Variants in MYO5B observed in about 807,000 individuals in gnomAD.
The protein encoded by MYO5B is unconventional myosin-Vb.
MYO5B carries 143 observed loss-of-function variants against 229.3 expected under a neutral mutation model. The observed-to-expected ratio is 0.62, with a 90% CI of 0.54 to 0.72. The LOEUF (loss-of-function observed/expected upper bound fraction) is 0.72, where lower values mean the gene tolerates loss of function less well. Ranked by LOEUF, MYO5B falls within the 30% of genes least tolerant of loss-of-function variation. The probability of loss-of-function intolerance (pLI) is 0.00; values close to 1 mark genes in which losing one functional copy is unlikely to be tolerated. For missense variants in MYO5B, 2,321 were observed against 2,331.0 expected (o/e 1.00, Z 0.09); for synonymous variants, 918 against 885.2 (o/e 1.04, Z -0.66).
At chr18:50,007,369 T>A (rs1017814349) in intron 4 of MYO5B, among the ~76,000 whole-genome samples, 17 of 152,182 alleles carry the variant, frequency 1.1e-4, no homozygotes, top group Non-Finnish European at 1.5e-5. Context: ...CTGTACCTTT[T>A]AGTCCACACC....
intron 1 of MYO5B, among the ~76,000 whole-genome samples, chr18:50,113,291 G>C (rs1261578507): frequency 1.3e-5 from 2 of 152,200 alleles, no homozygotes; most frequent in Admixed American, 6.5e-5. Context: ...CAGTATCAAG[G>C]GGTGCTTTGA....
At position 49,997,939 on chromosome 18, in the gene MYO5B, GCTGT is replaced by G. The variant is rs764482537; in HGVS notation, c.612+3312_612+3315del. Among the ~76,000 whole-genome samples the G allele has an allele frequency of 5.3e-5, 8 of 152,270 alleles. No homozygotes were observed. The East Asian group carries it at 7.7e-4, about 15-fold the overall frequency. ...GGGCAGAGCAATCAATCAGTAATCA[GCTGT>G]CTGTCCCCTGATTAAGACATGCTCT... On this transcript the variant is annotated intron_variant, in intron 5 of 39. Transcript: ENST00000285039.
intron 14 of MYO5B, among the ~76,000 whole-genome samples, chr18:49,944,288 C>A (rs560962841): frequency 1.5e-4 from 23 of 152,166 alleles, no homozygotes; most frequent in African/African-American, 5.5e-4. Context: ...GGATTTGAAC[C>A]CAGACAGCCT....
intron 4 of MYO5B, among the ~76,000 whole-genome samples, chr18:50,020,952 T>A (rs1340474665): frequency 1.3e-5 from 2 of 152,186 alleles, no homozygotes; most frequent in Admixed American, 1.3e-4. Flanking sequence ...CAGAAATTGA[T>A]ACACAGGGCA....
At chr18:49,856,997 A>C in intron 29 of MYO5B, 107 bp from the exon 30 acceptor site, 2 of 947,652 alleles carry the variant, frequency 2.1e-6, no homozygotes, top group South Asian at 2.7e-5. Context: ...TGGAAACGAA[A>C]AAAAGGCAAG....
intron 16 of MYO5B, among the ~76,000 whole-genome samples, chr18:49,931,040 C>G (rs988909866): frequency 1.1e-4 from 17 of 152,184 alleles, no homozygotes; most frequent in African/African-American, 4.1e-4. Context: ...CTGCCCCACT[C>G]CATCAGAAGG....
At chr18:50,076,384 C>T (rs1599001948) in intron 1 of MYO5B, among the ~76,000 whole-genome samples, 1 of 152,154 alleles carries the variant, frequency 6.6e-6, no homozygotes, top group Admixed American at 6.5e-5. Context: ...ACCAAAGACA[C>T]ATGACTTGCC....
At chr18:49,865,978 C>T (rs1401326784) in intron 27 of MYO5B, among the ~76,000 whole-genome samples, 1 of 152,216 alleles carries the variant, frequency 6.6e-6, no homozygotes, top group African/African-American at 2.4e-5. Flanking sequence ...GGTTCACTAC[C>T]ATTCCCTCAT....
At position 49,837,813 on chromosome 18, in the gene MYO5B, A is replaced by G. The variant is rs1199027031; in HGVS notation, c.4853-11T>C. ...CCAACATGGCAGAAACTGAAATAAAAGCACAGTTAGAGAAGCTTGCATTCC... is the reference window on the plus strand; with the variant it reads ...CCAACATGGCAGAAACTGAAATAAAGGCACAGTTAGAGAAGCTTGCATTCC... On this transcript the variant is annotated splice_polypyrimidine_tract_variant and intron_variant, in intron 36 of 39. Transcript: ENST00000285039. The G allele has an allele frequency of 6.2e-7, 1 of 1,613,876 alleles. No homozygotes were observed. Among genetic ancestry groups the G allele is most frequent in the East Asian group, 2.2e-5 (1 of 44,880 alleles).
chr18:49,920,774 A>C (rs892170069), intron 17 of MYO5B, among the ~76,000 whole-genome samples: 6 of 152,180 alleles, frequency 3.9e-5, no homozygotes, highest in Non-Finnish European at 8.8e-5. Flanking sequence ...ACTTGTCAAA[A>C]TGCAGATGTT....
At chr18:50,075,737 A>G (rs1483422627) in intron 1 of MYO5B, among the ~76,000 whole-genome samples, 2 of 152,246 alleles carry the variant, frequency 1.3e-5, no homozygotes, top group African/African-American at 4.8e-5. Flanking sequence ...AGTCCCCTGA[A>G]AACAAGCTGT....
chr18:49,976,558 T>C (rs927024215), intron 9 of MYO5B, among the ~76,000 whole-genome samples: 1 of 152,236 alleles, frequency 6.6e-6, no homozygotes, highest in Non-Finnish European at 1.5e-5. Context: ...ATTTTTGGAA[T>C]GTATTTGACC....
At position 50,049,557 on chromosome 18, in the gene MYO5B, G is replaced by A. The variant is rs192852480; in HGVS notation, c.138+5711C>T. Among the ~76,000 whole-genome samples, 4 of 152,252 alleles carry A rather than the reference G, an allele frequency of 2.6e-5. No homozygotes were observed. In the East Asian group the frequency reaches 7.7e-4, roughly 29 times the overall value. On this transcript the variant is annotated intron_variant, in intron 2 of 39. Coordinates refer to ENST00000285039, the MANE Select transcript of MYO5B (RefSeq NM_001080467.3). ...GACAGACCAGACCACTTTCCTTATGGGCTTAAACCTGAGTTTCCCAGCCTT... is the reference window on the plus strand; with the variant it reads ...GACAGACCAGACCACTTTCCTTATGAGCTTAAACCTGAGTTTCCCAGCCTT...
intron 1 of MYO5B, among the ~76,000 whole-genome samples, chr18:50,112,244 G>C (rs2031877529): frequency 6.6e-6 from 1 of 152,198 alleles, no homozygotes; most frequent in Non-Finnish European, 1.5e-5. Context: ...ACTCCTGAGA[G>C]ATCTGGGCTA....
chr18:50,063,744 C>T (rs1386654623), intron 1 of MYO5B: 1 of 152,180 alleles, frequency 6.6e-6, no homozygotes, highest in Non-Finnish European at 1.5e-5. Context: ...ATCATCTCAA[C>T]CCAGTCTCTT....
In MYO5B at chr18:50,055,153, C is replaced by T. The variant is rs2030510523; in HGVS notation, c.138+115G>A. On this transcript the variant is annotated intron_variant, in intron 2 of 39. Coordinates refer to ENST00000285039, the MANE Select transcript of MYO5B (RefSeq NM_001080467.3). ...AAGAAAGAATCCAAGGGCTCAAGAG[C>T]TCCAATGTCCAGGGAAAACTCCAGC... 8 of 745,628 alleles carry T rather than the reference C, an allele frequency of 1.1e-5. No homozygotes were observed. The East Asian group carries it at 2.1e-4, about 20-fold the overall frequency. 46.2% of individuals were successfully genotyped at this position (745,628 alleles called of 1,614,324 possible). A position where few individuals can be genotyped will look rare whatever the true frequency, so the allele number is the denominator to read the frequency against.
chr18:49,855,533 A>C (rs572538812), intron 30 of MYO5B, among the ~76,000 whole-genome samples: 8 of 152,366 alleles, frequency 5.3e-5, no homozygotes, highest in African/African-American at 1.9e-4. Flanking sequence ...GGTGGGACAG[A>C]AATCTGATCT....
chr18:49,934,890 G>A (rs138329756), intron 16 of MYO5B, among the ~76,000 whole-genome samples: 7 of 152,292 alleles, frequency 4.6e-5, no homozygotes, highest in Non-Finnish European at 7.3e-5. Flanking sequence ...AATTGTCAAA[G>A]TAAGTTATTT....
At chr18:50,089,510 A>G (rs1041056453) in intron 1 of MYO5B, among the ~76,000 whole-genome samples, 7 of 151,262 alleles carry the variant, frequency 4.6e-5, no homozygotes, top group Non-Finnish European at 7.4e-5. Context: ...GGCCAAAGTG[A>G]GAGATTTGCT....
Sources: allele counts gnomAD v4.1 joint callset (sites outside exome capture counted in the v4.1 genomes callset), GRCh38; gene constraint gnomAD v4.1.1; transcripts MANE v1.5; gene names NCBI Gene and HGNC (gene_info 2026-07-23, HGNC 2026-07-21).